Variants in WDR25 observed in about 807,000 individuals in gnomAD.
The protein encoded by WDR25 is WD repeat domain 25, also known as WD repeat-containing protein 25.
In WDR25, 35 loss-of-function variants were observed where a neutral mutation model predicts 47.7. The observed-to-expected ratio is 0.73, with a 90% confidence interval of 0.56 to 0.97. The LOEUF (loss-of-function observed/expected upper bound fraction) is 0.97, where lower values mean the gene tolerates loss of function less well. Ranked by LOEUF, WDR25 falls within the 50% of genes least tolerant of loss-of-function variation. The pLI is 0.00. For synonymous variants in WDR25, 248 were observed against 278.9 expected (o/e 0.89, Z 1.10); for missense variants, 634 against 704.7 (o/e 0.90, Z 1.14).
intron 1 of WDR25, among the ~76,000 whole-genome samples, chr14:100,379,233 TATTTGTGTAGGATAA>T (rs945967521): frequency 1.3e-5 from 2 of 152,202 alleles, no homozygotes; most frequent in Non-Finnish European, 2.9e-5. Flanking sequence ...CATATGCTAG[TATTTGTGTAGGATAA>T]AGTTCTACAG....
At chr14:100,408,537 C>T (rs1399409757) in intron 2 of WDR25, among the ~76,000 whole-genome samples, 1 of 151,780 alleles carries the variant, frequency 6.6e-6, no homozygotes, top group Non-Finnish European at 1.5e-5. Context: ...CCCTCCAATC[C>T]CTGCTCCCCC....
intron 2 of WDR25, among the ~76,000 whole-genome samples, chr14:100,406,121 G>T (rs373533444): frequency 6.6e-6 from 1 of 152,180 alleles, no homozygotes; most frequent in Admixed American, 6.5e-5. Context: ...TGTCAGGCAC[G>T]TGGGGCCCAG....
rs1425297759 is a variant in WDR25, at chr14:100,449,955, A to AT, written c.823-18064dup. 6.6e-6 allele frequency among the ~76,000 whole-genome samples: 1 copy of AT among 152,066 alleles called. No homozygotes were observed. Among genetic ancestry groups the AT allele is most frequent in the African/African-American group, 2.4e-5 (1 of 41,388 alleles). On this transcript the variant is annotated intron_variant, in intron 2 of 6. Transcript: ENST00000402312. The surrounding 1 kb of genome is among the most constrained non-coding windows in gnomAD (Gnocchi z 4.2). ...TCTAATCCACCTGTAAGTCCCAGTGATTCTTCTCTAAACTGGGCATTCAGT... is the reference window on the plus strand; with the variant it reads ...TCTAATCCACCTGTAAGTCCCAGTGATTTCTTCTCTAAACTGGGCATTCAGT...
intron 2 of WDR25, among the ~76,000 whole-genome samples, chr14:100,464,851 C>T (rs1360645412): frequency 6.7e-6 from 1 of 148,804 alleles, no homozygotes; most frequent in East Asian, 2.0e-4. Flanking sequence ...TCTTTCCTAC[C>T]CCATCTACTC....
At position 100,404,716 on chromosome 14, in the gene WDR25, ACT is replaced by A. The variant is rs1487357133; in HGVS notation, c.822+22973_822+22974del. ...CTGCTGACTGGGAGATGCTGACCTG[ACT>A]CTGTTTCTCTAGGGCCATGATCCTG... On this transcript the variant is annotated intron_variant, in intron 2 of 6. Coordinates refer to ENST00000402312, the MANE Select transcript of WDR25 (RefSeq NM_001161476.3). The surrounding 1 kb of genome is among the most constrained non-coding windows in gnomAD (Gnocchi z 4.6). 5.3e-5 allele frequency among the ~76,000 whole-genome samples: 8 copies of A among 151,598 alleles called. No homozygotes were observed. The highest frequency in any genetic ancestry group is 8.8e-5 in the Non-Finnish European group (6 of 67,842).
At chr14:100,429,316 C>T (rs1898260418) in intron 2 of WDR25, among the ~76,000 whole-genome samples, 1 of 152,108 alleles carries the variant, frequency 6.6e-6, no homozygotes, top group African/African-American at 2.4e-5. Context: ...TGCTCCCATC[C>T]CTATGAGGCT....
At chr14:100,522,042 T>C (rs1293151605) in intron 4 of WDR25, among the ~76,000 whole-genome samples, 4 of 152,192 alleles carry the variant, frequency 2.6e-5, no homozygotes, top group African/African-American at 9.7e-5. Flanking sequence ...CATTTCATTT[T>C]TTTCTGAGCT....
At chr14:100,456,793 A>G (rs1220011945) in intron 2 of WDR25, among the ~76,000 whole-genome samples, 1 of 152,236 alleles carries the variant, frequency 6.6e-6, no homozygotes, top group African/African-American at 2.4e-5. Flanking sequence ...GGAGTCCTCA[A>G]AGAAGGGTAG....
In WDR25 at chr14:100,484,000, A is replaced by G. The variant is rs1170998150; in HGVS notation, c.977A>G (p.Gln326Arg). ...LHLTDLETGT[Q>R]LFSGRSDFRI... ...TTCTCTTTTTGTGTTGTAGGAACCC[A>G]GCTATTTAGTGGTCGAAGTGACTTT... Residue 326 changes from glutamine to arginine, a missense_variant, in exon 4 of 7, where the codon CAG (glutamine) becomes CGG (arginine). Coordinates refer to ENST00000402312, the MANE Select transcript of WDR25 (RefSeq NM_001161476.3). 1.5e-5 allele frequency: 24 copies of G among 1,610,922 alleles called. No individual in the cohort carries two copies. The highest frequency in any genetic ancestry group is 2.0e-5 in the Non-Finnish European group (24 of 1,179,096).
chr14:100,528,935 T>G, intron 5 of WDR25, 133 bp from the exon 6 acceptor site: 1 of 1,051,538 alleles, frequency 9.5e-7, no homozygotes, highest in Non-Finnish European at 1.3e-6. Flanking sequence ...AAGCTTGTGG[T>G]GATTTGTCAC....
At chr14:100,478,124 A>AAAC (rs1566929458) in intron 3 of WDR25, among the ~76,000 whole-genome samples, 1 of 151,842 alleles carries the variant, frequency 6.6e-6, no homozygotes. Context: ...AAAAACAAAC[A>AAAC]AAAAAACCTG....
intron 4 of WDR25, 38 bp downstream of exon 4, chr14:100,484,162 G>A (rs1221636008): frequency 6.3e-7 from 1 of 1,581,538 alleles, no homozygotes; most frequent in African/African-American, 1.4e-5. Flanking sequence ...TTCCACAGGA[G>A]AGCTTGTTTC....
rs1897174251 is a variant in WDR25, at chr14:100,392,802, A to G, written c.822+11056A>G. On this transcript the variant is annotated intron_variant, in intron 2 of 6. Transcript: ENST00000402312. The surrounding 1 kb of genome is among the most constrained non-coding windows in gnomAD (Gnocchi z 4.2). Reference sequence around the variant, plus strand: ...TAGGTGGTTTCTAATTTTTGCTATTATATAGATAATGCTGAAGTGGTTATC... The same window carrying G: ...TAGGTGGTTTCTAATTTTTGCTATTGTATAGATAATGCTGAAGTGGTTATC... 6.6e-6 allele frequency among the ~76,000 whole-genome samples: 1 copy of G among 152,170 alleles called. No homozygotes were observed. Among genetic ancestry groups the G allele is most frequent in the Non-Finnish European group, 1.5e-5 (1 of 68,028 alleles).
intron 2 of WDR25, among the ~76,000 whole-genome samples, chr14:100,399,220 C>T (rs745681864): frequency 6.6e-5 from 10 of 151,934 alleles, no homozygotes; most frequent in Admixed American, 1.3e-4. Context: ...TGTGGTTTAT[C>T]GGATAATTGA....
chr14:100,489,734 C>T (rs968222539), intron 4 of WDR25, among the ~76,000 whole-genome samples: 4 of 152,156 alleles, frequency 2.6e-5, no homozygotes, highest in South Asian at 4.2e-4. Flanking sequence ...GGCTAGGGGT[C>T]GAGTGGTTCT....
chr14:100,429,225 G>T (rs1898257748), intron 2 of WDR25, among the ~76,000 whole-genome samples: 1 of 152,210 alleles, frequency 6.6e-6, no homozygotes, highest in South Asian at 2.1e-4. Flanking sequence ...TCTGACGCCA[G>T]CTTGTCATCA....
intron 4 of WDR25, among the ~76,000 whole-genome samples, chr14:100,496,141 G>A (rs7161562): frequency 1.3e-5 from 2 of 151,940 alleles, no homozygotes; most frequent in Admixed American, 6.6e-5. Context: ...TATATTATAC[G>A]TATCCTAGTG....
At chr14:100,524,341 G>A (rs947255383) in intron 4 of WDR25, among the ~76,000 whole-genome samples, 1 of 152,086 alleles carries the variant, frequency 6.6e-6, no homozygotes, top group Non-Finnish European at 1.5e-5. Flanking sequence ...TCAGCGAGTG[G>A]CAGGGAGGGC....
chr14:100,407,408 G>A lies in WDR25; in HGVS notation c.822+25662G>A, dbSNP rs1237944332. On this transcript the variant is annotated intron_variant, in intron 2 of 6. Coordinates refer to ENST00000402312, the MANE Select transcript of WDR25 (RefSeq NM_001161476.3). The surrounding 1 kb of genome is among the most constrained non-coding windows in gnomAD (Gnocchi z 4.1). ...ATCTTCCCAACTCAGGTGAGATGGG[G>A]ACTAGAAAGTCGGTCTGGCTGAAGC... 1 of 152,208 alleles carries A rather than the reference G, an allele frequency of 6.6e-6. No individual in the cohort carries two copies. Among genetic ancestry groups the A allele is most frequent in the Admixed American group, 6.5e-5 (1 of 15,288 alleles). The allele number at this position is 152,208 out of a possible 1,614,324, so 9.4% of individuals were successfully genotyped here.
Sources: gnomAD v4.1 joint callset for allele counts (sites outside exome capture counted in the v4.1 genomes callset) on GRCh38, gnomAD v4.1.1 for gene constraint, Gnocchi (gnomAD v3.1) non-coding constraint, MANE v1.5 for transcripts, NCBI Gene and HGNC (gene_info 2026-07-23, HGNC 2026-07-21) for gene names.